The following INTU variants were observed in gnomAD, a reference collection of about 807,000 sequenced individuals.
INTU encodes the protein inturned planar cell polarity protein, also known as protein inturned.
Under a neutral mutation model 100.5 loss-of-function variants are expected in INTU, and 68 were observed. The observed-to-expected ratio is 0.68, with a 90% CI of 0.56 to 0.83. The LOEUF (loss-of-function observed/expected upper bound fraction) is 0.83. Ranked by LOEUF, INTU falls within the 40% of genes least tolerant of loss-of-function variation. The pLI, the probability that INTU is intolerant of heterozygous loss-of-function variation, is 0.00. For synonymous variants in INTU, 357 were observed against 395.7 expected, an observed-to-expected ratio of 0.90 and a Z score of 1.16; for missense variants, 1,071 against 1,114.7, an observed-to-expected ratio of 0.96 and a Z score of 0.56.
chr4:127,697,124 G>A (rs1730426806), intron 8 of INTU, among the ~76,000 whole-genome samples: 3 of 151,992 alleles, frequency 2.0e-5, no homozygotes, highest in Admixed American at 6.6e-5. Flanking sequence ...TTCCTTAATG[G>A]CTTCATTGAG....
chr4:127,701,912 A>G (rs1240176211), intron 9 of INTU, among the ~76,000 whole-genome samples: 2 of 152,146 alleles, frequency 1.3e-5, no homozygotes, highest in Non-Finnish European at 2.9e-5. Context: ...CCCTAAACAA[A>G]TGGAAGGGTG....
chr4:127,684,591 T>C (rs1326892315), intron 7 of INTU, 105 bp downstream of exon 7: 1 of 612,666 alleles, frequency 1.6e-6, no homozygotes, highest in Non-Finnish European at 2.8e-6. Flanking sequence ...ATTTGTCTCT[T>C]TTCTCCTCCC....
intron 14 of INTU, among the ~76,000 whole-genome samples, chr4:127,712,634 A>G (rs1731134746): frequency 6.6e-6 from 1 of 152,166 alleles, no homozygotes; most frequent in Non-Finnish European, 1.5e-5. Flanking sequence ...CAAAATAATA[A>G]AACATGGTAA....
chr4:127,679,585 C>T (rs889215529), intron 6 of INTU, among the ~76,000 whole-genome samples: 1 of 152,106 alleles, frequency 6.6e-6, no homozygotes, highest in Admixed American at 6.5e-5. Flanking sequence ...ACCAGAATCT[C>T]TGGGACACAT....
intron 2 of INTU, among the ~76,000 whole-genome samples, chr4:127,653,782 A>G (rs899442969): frequency 6.6e-6 from 1 of 151,246 alleles, no homozygotes; most frequent in Non-Finnish European, 1.5e-5. Flanking sequence ...ATCCTTGTTG[A>G]CGTTCTGTCT....
Position 127,687,879 on chromosome 4 carries a change from T to A in INTU, c.1449+12T>A, listed in dbSNP as rs1196106190. The A allele has an allele frequency of 6.4e-7, 1 of 1,554,198 alleles. No individual in the cohort carries two copies. Among genetic ancestry groups the A allele is most frequent in the Non-Finnish European group, 8.8e-7 (1 of 1,139,948 alleles). Reference sequence around the variant, plus strand: ...CACTGGAAATCAAGGTAATCTTAGGTATTATAAAGCAGAAGCAGAACCAGG... The same window carrying A: ...CACTGGAAATCAAGGTAATCTTAGGAATTATAAAGCAGAAGCAGAACCAGG... On this transcript the variant is annotated intron_variant, in intron 8 of 15. Coordinates refer to ENST00000335251, the MANE Select transcript of INTU (RefSeq NM_015693.4).
At chr4:127,710,557 G>A (rs1731055679) in intron 13 of INTU, among the ~76,000 whole-genome samples, 1 of 152,076 alleles carries the variant, frequency 6.6e-6, no homozygotes, top group Non-Finnish European at 1.5e-5. Context: ...ATAGCTATCT[G>A]GGCCAGACAC....
At chr4:127,689,087 A>G (rs1165102479) in intron 8 of INTU, among the ~76,000 whole-genome samples, 1 of 141,880 alleles carries the variant, frequency 7.0e-6, no homozygotes, top group African/African-American at 2.7e-5. Context: ...GGCTCGGGTG[A>G]TCTTCTCACC....
intron 8 of INTU, among the ~76,000 whole-genome samples, chr4:127,688,971 C>CTTTTTTTTTTTTTTTTTTTTTTTTTT (rs763570146): frequency 5.7e-5 from 5 of 88,026 alleles, no homozygotes; most frequent in Non-Finnish European, 9.5e-5. Flanking sequence ...TTCTTTCTTT[C>CTTTTTTTTTTTTTTTTTTTTTTTTTT]TTTTTTTTTT....
At chr4:127,651,430 T>C (rs1254001514) in intron 2 of INTU, among the ~76,000 whole-genome samples, 1 of 152,230 alleles carries the variant, frequency 6.6e-6, no homozygotes, top group Non-Finnish European at 1.5e-5. Context: ...TTCAGCTTTC[T>C]ACATATGGCT....
intron 1 of INTU, among the ~76,000 whole-genome samples, chr4:127,633,490 C>T (rs569727569): frequency 2.6e-5 from 4 of 152,208 alleles, no homozygotes; most frequent in Non-Finnish European, 4.4e-5. Context: ...TCTGTAACAG[C>T]GTTCAAAAAA....
intron 1 of INTU, among the ~76,000 whole-genome samples, chr4:127,637,430 G>T (rs1350669847): frequency 2.0e-5 from 3 of 152,146 alleles, no homozygotes; most frequent in Non-Finnish European, 4.4e-5. Context: ...TATTGAAAAT[G>T]ATTATCCACT....
At position 127,704,979 on chromosome 4, in the gene INTU, C is replaced by T. The variant is rs868239151; in HGVS notation, c.1567-612C>T. 9.3e-4 allele frequency among the ~76,000 whole-genome samples: 141 copies of T among 151,998 alleles called. 1 individual carries two copies. The highest frequency in any genetic ancestry group is 3.3e-3 in the African/African-American group (136 of 41,472). On this transcript the variant is annotated intron_variant, in intron 10 of 15. Coordinates refer to ENST00000335251, the MANE Select transcript of INTU (RefSeq NM_015693.4). ...TGGTGGTGTGTGCCTGTAATCCCAG[C>T]TACTCAGGAGGCTGAGGCAGGAGAA...
intron 3 of INTU, among the ~76,000 whole-genome samples, chr4:127,661,379 G>A (rs748244738): frequency 6.6e-6 from 1 of 150,932 alleles, no homozygotes; most frequent in Non-Finnish European, 1.5e-5. Context: ...TTTTTGGTAG[G>A]TTGCACCCTA....
rs780804144 is a variant in INTU at position 127,663,400 on chromosome 4, A to G, written c.788A>G (p.Asn263Ser). The G allele has an allele frequency of 6.2e-7, 1 of 1,612,642 alleles. No homozygotes were observed. The highest frequency in any genetic ancestry group is 8.5e-7 in the Non-Finnish European group (1 of 1,179,068). ...GPMQVKLTFE[N>S]AYDVKRETSH... ...TTAAAGGTGAAACTGACATTTGAAA[A>G]TGCATATGATGTGAAAAGGGAGACG... is the stretch of plus-strand genomic sequence containing the variant. The change falls in exon 4 of 16, where the codon AAT (asparagine) becomes AGT (serine). Residue 263 changes from asparagine (N) to serine (S), a missense_variant. By Grantham distance (46) the Asn-to-Ser change is conservative. Coordinates refer to ENST00000335251, the MANE Select transcript of INTU (RefSeq NM_015693.4).
chr4:127,655,010 T>G (rs370253366), intron 2 of INTU, among the ~76,000 whole-genome samples: 90 of 152,036 alleles, frequency 5.9e-4, no homozygotes, highest in African/African-American at 2.0e-3. Flanking sequence ...TCCAGTTGAT[T>G]GCATCGGCTC....
intron 14 of INTU, among the ~76,000 whole-genome samples, chr4:127,713,643 C>T (rs1243675565): frequency 6.6e-6 from 1 of 152,038 alleles, no homozygotes; most frequent in Non-Finnish European, 1.5e-5. Flanking sequence ...TTCTATCTTC[C>T]ACTGTGGAAG....
In INTU at chr4:127,706,933, C is replaced by A. The variant is rs768102686; in HGVS notation, c.2235C>A (p.Gly745=). Residue 745 remains glycine, a synonymous_variant, in exon 12 of 16, where the codon GGC becomes GGA. Transcript: ENST00000335251. ...TACGGAAGCAAAGAGAATCTCAGGG[C>A]TCTGATGGTTTAGAAGAAAGTGGGA... ...DAVRKQRESQ[G]SDGLEESGTL... is the part of the protein sequence containing the mutation. The A allele has an allele frequency of 1.2e-5, 19 of 1,613,768 alleles. No homozygotes were observed. Among genetic ancestry groups the A allele is most frequent in the Non-Finnish European group, 1.6e-5 (19 of 1,179,898 alleles).
chr4:127,664,873 A>G (rs1248066352), intron 4 of INTU, among the ~76,000 whole-genome samples: 1 of 151,958 alleles, frequency 6.6e-6, no homozygotes, highest in Non-Finnish European at 1.5e-5. Flanking sequence ...CATGTCTGCT[A>G]TCTTCTTTAA....
Sources: allele counts gnomAD v4.1 joint callset (sites outside exome capture counted in the v4.1 genomes callset), GRCh38; gene constraint gnomAD v4.1.1; transcripts MANE v1.5; gene names NCBI Gene and HGNC (gene_info 2026-07-23, HGNC 2026-07-21).